The following IFT74 variants were observed in gnomAD, a reference collection of about 807,000 sequenced individuals.
The protein encoded by IFT74 is intraflagellar transport protein 74 homolog.
A neutral mutation model predicts 96.7 loss-of-function variants in IFT74; 92 were observed. The ratio of observed to expected loss-of-function variants is 0.95; its 90% CI spans 0.80 to 1.13. The LOEUF is 1.13. IFT74 is among the 50% of genes most tolerant of loss of function. The pLI is 0.00. For missense variants in IFT74, 811 were observed against 698.2 expected, an observed-to-expected ratio of 1.16 and a Z score of -1.82; for synonymous variants, 223 against 213.2, an observed-to-expected ratio of 1.05 and a Z score of -0.40.
At chr9:26,959,788 G>A (rs895589537) in intron 1 of IFT74, among the ~76,000 whole-genome samples, 1 of 152,156 alleles carries the variant, frequency 6.6e-6, no homozygotes, top group South Asian at 2.1e-4. Context: ...GTAGTTAAGG[G>A]TGAGAATCAT....
Position 27,062,711 on chromosome 9 carries a change from C to T in IFT74, c.1778C>T (p.Ala593Val), listed in dbSNP as rs1564012501. The T allele has an allele frequency of 6.3e-7, 1 of 1,594,702 alleles. No individual in the cohort carries two copies. Among genetic ancestry groups the T allele is most frequent in the African/African-American group, 1.3e-5 (1 of 74,224 alleles). Residue 593 changes from alanine (A) to valine (V), a missense_variant, in exon 20 of 20, where the codon GCT becomes GTT. Coordinates refer to ENST00000380062, the MANE Select transcript of IFT74 (RefSeq NM_025103.4). Reference sequence around the variant, plus strand: ...GAGTACAATAAAACCATCGTGGATGCTTTACATAGCACCAGCGGAAACTGA... The same window carrying T: ...GAGTACAATAAAACCATCGTGGATGTTTTACATAGCACCAGCGGAAACTGA... The part of the protein sequence containing the change: ...IAEYNKTIVD[A>V]LHSTSGN
In IFT74 at chr9:27,060,642, A is replaced by G. The variant is rs1820374946; in HGVS notation, c.1675A>G (p.Met559Val). The G allele has an allele frequency of 1.2e-6, 2 of 1,600,854 alleles. No homozygotes were observed. Among genetic ancestry groups the G allele is most frequent in the East Asian group, 2.3e-5 (1 of 44,398 alleles). Reference sequence around the variant, plus strand: ...ACACCTTGAGCAAAATAATTTTGCGATGAAAGAATGTATCCTTTAAAAAGC... The same window carrying G: ...ACACCTTGAGCAAAATAATTTTGCGGTGAAAGAATGTATCCTTTAAAAAGC... ...WQHLEQNNFA[M>V]KEFIATKSQE... Residue 559 changes from methionine to valine, a missense_variant, in exon 19 of 20, where the codon ATG becomes GTG. By Grantham distance (21) the Met-to-Val change is conservative. Transcript: ENST00000380062.
rs12340112 is a variant in IFT74 at position 26,979,362 on chromosome 9, G to C, written c.256+1099G>C. Among the ~76,000 whole-genome samples the C allele has an allele frequency of 8.5e-3, 1,292 of 152,096 alleles. 16 individuals carry two copies. The highest frequency in any genetic ancestry group is 0.029 in the African/African-American group (1,201 of 41,492). On this transcript the variant is annotated intron_variant, in intron 3 of 19. Transcript: ENST00000380062. Reference sequence around the variant, plus strand: ...ATGTTTAATAGTATTTTAAAACATCGAGGGTAAAAACATATTAAAATTCTA... The same window carrying C: ...ATGTTTAATAGTATTTTAAAACATCCAGGGTAAAAACATATTAAAATTCTA...
chr9:26,957,916 AT>A (rs375083298), intron 1 of IFT74, among the ~76,000 whole-genome samples: 5 of 149,292 alleles, frequency 3.3e-5, no homozygotes, highest in South Asian at 2.1e-4. Context: ...CGCCCGGATA[AT>A]TTTTTTTTTG....
chr9:26,995,941 G>T, intron 8 of IFT74: 6 of 867,396 alleles, frequency 6.9e-6, no homozygotes, highest in South Asian at 2.4e-5. Context: ...CCTCAATATT[G>T]GTATTAAAAA....
intron 2 of IFT74, 135 bp downstream of exon 2, chr9:26,962,222 A>C: frequency 1.4e-6 from 1 of 698,676 alleles, no homozygotes; most frequent in Non-Finnish European, 2.4e-6. Context: ...CTGTCTCAAA[A>C]ATCTGTTGAA....
intron 1 of IFT74, chr9:26,947,284 G>A: frequency 1.9e-6 from 1 of 522,604 alleles, no homozygotes; most frequent in Non-Finnish European, 3.3e-6. Context: ...AGCCCTCCAT[G>A]ACGCAGAGTG....
intron 2 of IFT74, among the ~76,000 whole-genome samples, chr9:26,969,464 C>T (rs1826785546): frequency 2.0e-5 from 3 of 151,784 alleles, no homozygotes; most frequent in Non-Finnish European, 2.9e-5. Context: ...GGGCTTGATA[C>T]GTTTCTCATA....
chr9:27,016,913 G>A lies in IFT74; in HGVS notation c.796G>A (p.Ala266Thr). Residue 266 changes from alanine (A) to threonine (T), a missense_variant, in exon 11 of 20, where the codon GCT becomes ACT. By Grantham distance (58) the Ala-to-Thr change is moderately conservative. Coordinates refer to ENST00000380062, the MANE Select transcript of IFT74 (RefSeq NM_025103.4). ...CCTTCTTATTTTCCTTTAGGAAATA[G>A]CTCACTCCCAGGTGAAACAGGAGGC... ...MKKESLEAEI[A>T]HSQVKQEAVL... 1 of 1,596,370 alleles carries A rather than the reference G, an allele frequency of 6.3e-7. No homozygotes were observed.
chr9:26,955,728 A>G (rs1053258249), upstream of IFT74: 3 of 152,162 alleles, frequency 2.0e-5, no homozygotes, highest in Non-Finnish European at 4.4e-5. Context: ...TAAAATCCCA[A>G]TACATATGCA....
rs772221290 is a variant in IFT74, at chr9:27,011,969, G to A, written c.789+1G>A. ...CATGAAAAAAGAGAGCCTGGAAGCAGTAAGTATAAAATCAAATAAGGGTTC... is the reference window on the plus strand; with the variant it reads ...CATGAAAAAAGAGAGCCTGGAAGCAATAAGTATAAAATCAAATAAGGGTTC... On this transcript the variant is annotated splice_donor_variant, in intron 10 of 19. Coordinates refer to ENST00000380062, the MANE Select transcript of IFT74 (RefSeq NM_025103.4). LOFTEE classifies it high-confidence loss of function. 1.9e-6 allele frequency: 3 copies of A among 1,578,658 alleles called. No individual in the cohort carries two copies. The highest frequency in any genetic ancestry group is 2.6e-6 in the Non-Finnish European group (3 of 1,161,362).
chr9:26,987,458 A>G (rs1470756957), intron 6 of IFT74, among the ~76,000 whole-genome samples: 1 of 152,192 alleles, frequency 6.6e-6, no homozygotes, highest in Non-Finnish European at 1.5e-5. Context: ...GCTGGAACAA[A>G]TTAGGCATAT....
chr9:27,056,419 C>T lies in IFT74; in HGVS notation c.1583C>T (p.Ala528Val). The change falls in exon 18 of 20, where the codon GCA becomes GTA. Residue 528 changes from alanine to valine, a missense_variant. Ala to Val is a moderately conservative substitution (Grantham distance 64). Coordinates refer to ENST00000380062, the MANE Select transcript of IFT74 (RefSeq NM_025103.4). ...IMEKQNIEYE[A>V]LKTQLQENET... Reference sequence around the variant, plus strand: ...GAGAAGCAAAACATAGAGTATGAGGCACTAAAAACACAATTGCAAGAAAAT... The same window carrying T: ...GAGAAGCAAAACATAGAGTATGAGGTACTAAAAACACAATTGCAAGAAAAT... The T allele has an allele frequency of 6.3e-7, 1 of 1,597,806 alleles. No individual in the cohort carries two copies. The highest frequency in any genetic ancestry group is 8.5e-7 in the Non-Finnish European group (1 of 1,173,244).
chr9:26,957,906 C>T (rs1345671086), intron 1 of IFT74, among the ~76,000 whole-genome samples: 2 of 151,784 alleles, frequency 1.3e-5, no homozygotes, highest in African/African-American at 2.4e-5. Flanking sequence ...CCCGCCACCA[C>T]GCCCGGATAA....
chr9:26,972,089 T>G (rs954373307), intron 2 of IFT74, among the ~76,000 whole-genome samples: 2 of 152,210 alleles, frequency 1.3e-5, no homozygotes, highest in Admixed American at 6.5e-5. Flanking sequence ...GCCAGACCTT[T>G]GTATGGTAAT....
intron 6 of IFT74, 102 bp downstream of exon 6, chr9:26,984,661 T>C (rs1827559251): frequency 1.2e-6 from 1 of 852,772 alleles, no homozygotes; most frequent in African/African-American, 1.7e-5. Flanking sequence ...ACAGATACTT[T>C]TCAAAAGAAG....
At chr9:26,965,098 A>C (rs1826549207) in intron 2 of IFT74, among the ~76,000 whole-genome samples, 1 of 152,220 alleles carries the variant, frequency 6.6e-6, no homozygotes, top group African/African-American at 2.4e-5. Flanking sequence ...GCTGTTAGAT[A>C]GTCATTACAA....
chr9:27,029,341 G>GT lies in IFT74; in HGVS notation c.1054+248dup, dbSNP rs879769764. ...TTTATTTAGCTTTGCCAAGCAGTTT[G>GT]TTTTTTTTTTTACAAAAACAGAAGT... On this transcript the variant is annotated intron_variant, in intron 13 of 19. Transcript: ENST00000380062. Among the ~76,000 whole-genome samples, 1,235 of 144,306 alleles carry GT rather than the reference G, an allele frequency of 8.6e-3. 13 individuals carry two copies. Among genetic ancestry groups the GT allele is most frequent in the African/African-American group, 0.027 (1,068 of 39,670 alleles). 94.7% of individuals were successfully genotyped at this position (144,306 alleles called of 152,430 possible). A position where few individuals can be genotyped will look rare whatever the true frequency, so the allele number is the denominator to read the frequency against.
intron 9 of IFT74, 150 bp from the exon 10 acceptor site, chr9:27,011,756 G>T: frequency 1.1e-5 from 4 of 373,300 alleles, no homozygotes; most frequent in African/African-American, 2.1e-5. Context: ...AATGTAAGAT[G>T]CCAGTGAAGA....
Sources: gnomAD v4.1 joint callset for allele counts (sites outside exome capture counted in the v4.1 genomes callset) on GRCh38, gnomAD v4.1.1 for gene constraint, MANE v1.5 for transcripts, NCBI Gene and HGNC (gene_info 2026-07-23, HGNC 2026-07-21) for gene names.